THSD7B: variants seen among roughly 807,000 people sequenced by gnomAD.
THSD7B encodes thrombospondin type 1 domain containing 7B.
A neutral mutation model predicts 213.6 loss-of-function variants in THSD7B; 138 were observed. That is an observed-to-expected ratio of 0.65 (90% CI 0.56 to 0.74). THSD7B has a LOEUF of 0.74. Ranked by LOEUF, THSD7B falls within the 30% of genes least tolerant of loss-of-function variation. The pLI is 0.00. For missense variants in THSD7B, 1,931 were observed against 1,991.5 expected (o/e 0.97, Z 0.58); for synonymous variants, 742 against 687.0 (o/e 1.08, Z -1.25).
intron 12 of THSD7B, among the ~76,000 whole-genome samples, chr2:137,374,522 T>C (rs180883734): frequency 9.2e-5 from 14 of 152,350 alleles, no homozygotes; most frequent in Admixed American, 9.2e-4. Flanking sequence ...GTAAGTCCAA[T>C]TAATTTATAT....
intron 7 of THSD7B, 79 bp from the exon 8 acceptor site, chr2:137,230,965 T>C: frequency 7.3e-7 from 1 of 1,378,752 alleles, no homozygotes; most frequent in South Asian, 1.5e-5. Flanking sequence ...GGGGGGGTAC[T>C]TTAAACTGAA....
chr2:137,061,969 G>C (rs182158456), intron 3 of THSD7B, among the ~76,000 whole-genome samples: 81 of 151,776 alleles, frequency 5.3e-4, no homozygotes, highest in African/African-American at 1.7e-3. Context: ...GAACCCTCTG[G>C]ACCTCATGCT....
chr2:137,563,375 T>C (rs1681163307), intron 16 of THSD7B, 21 bp downstream of exon 16: 2 of 1,610,944 alleles, frequency 1.2e-6, no homozygotes, highest in East Asian at 2.2e-5. Context: ...ATGGAGAGAT[T>C]TGGGAAATAG....
At chr2:137,640,976 A>G (rs1682928167) in intron 20 of THSD7B, among the ~76,000 whole-genome samples, 1 of 152,222 alleles carries the variant, frequency 6.6e-6, no homozygotes, top group South Asian at 2.1e-4. Context: ...CTATGATAAT[A>G]TTCTGGTGGA....
At position 137,488,825 on chromosome 2, in the gene THSD7B, T is replaced by A. The variant is rs748103566; in HGVS notation, c.3138+37802T>A. Among the ~76,000 whole-genome samples, 121 of 152,318 alleles carry A rather than the reference T, an allele frequency of 7.9e-4. 1 individual carries two copies. Among genetic ancestry groups the A allele is most frequent in the Non-Finnish European group, 3.7e-4 (25 of 68,040 alleles). On this transcript the variant is annotated intron_variant, in intron 15 of 27. Coordinates refer to ENST00000409968, the MANE Select transcript of THSD7B (RefSeq NM_001316349.2). ...AGAAAGAACTTTGTTCATTGGGTAGTCCTGCCTATCCTGTAGGATGAGCCA... is the reference window on the plus strand; with the variant it reads ...AGAAAGAACTTTGTTCATTGGGTAGACCTGCCTATCCTGTAGGATGAGCCA...
chr2:137,013,987 A>G (rs1573767304), intron 2 of THSD7B, among the ~76,000 whole-genome samples: 1 of 152,324 alleles, frequency 6.6e-6, no homozygotes, highest in East Asian at 1.9e-4. Flanking sequence ...AGCCAGTGGG[A>G]GAACAGTTGC....
chr2:137,654,554 C>T (rs1345293734), intron 21 of THSD7B, among the ~76,000 whole-genome samples: 1 of 152,088 alleles, frequency 6.6e-6, no homozygotes, highest in African/African-American at 2.4e-5. Flanking sequence ...AGCACAGAAA[C>T]CATGAGTAAA....
chr2:137,006,431 CATACATACATACATAT>C (rs970434940), intron 2 of THSD7B, among the ~76,000 whole-genome samples: 3 of 151,816 alleles, frequency 2.0e-5, no homozygotes, highest in Admixed American at 6.6e-5. Flanking sequence ...TACATACATA[CATACATACATACATAT>C]AGGTTGTATA....
intron 12 of THSD7B, among the ~76,000 whole-genome samples, chr2:137,391,921 A>G (rs10198747): frequency 0.23 from 34,499 of 152,034 alleles, 4,063 homozygotes; most frequent in South Asian, 0.27. Flanking sequence ...TGCTGTACCC[A>G]ACAAGTTTTG....
intron 5 of THSD7B, among the ~76,000 whole-genome samples, chr2:137,116,011 GGT>G (rs1252161243): frequency 1.3e-5 from 2 of 152,184 alleles, no homozygotes; most frequent in Non-Finnish European, 2.9e-5. Flanking sequence ...AAGTGGTAAA[GGT>G]GGGAATGTTT....
intron 1 of THSD7B, among the ~76,000 whole-genome samples, chr2:136,792,285 C>T (rs1254064604): frequency 1.3e-5 from 2 of 151,818 alleles, no homozygotes; most frequent in Non-Finnish European, 2.9e-5. Context: ...TGAATGATTC[C>T]AACTATATGA....
intron 9 of THSD7B, 77 bp downstream of exon 9, chr2:137,233,210 C>T (rs1681683136): frequency 1.5e-6 from 2 of 1,341,292 alleles, no homozygotes; most frequent in Non-Finnish European, 2.1e-6. Context: ...ATTTATCAAG[C>T]AATAGATATT....
At chr2:137,629,381 C>CTA (rs1682696976) in intron 20 of THSD7B, among the ~76,000 whole-genome samples, 1 of 152,122 alleles carries the variant, frequency 6.6e-6, no homozygotes, top group Non-Finnish European at 1.5e-5. Flanking sequence ...TCCAACATAC[C>CTA]ACCTTTATGA....
At chr2:137,669,094 T>C (rs1346225099) in intron 27 of THSD7B, among the ~76,000 whole-genome samples, 2 of 152,208 alleles carry the variant, frequency 1.3e-5, no homozygotes. Flanking sequence ...TTAATTTTAA[T>C]GAGATCAAAG....
At chr2:137,321,064 T>A (rs1338414255) in intron 12 of THSD7B, among the ~76,000 whole-genome samples, 1 of 152,190 alleles carries the variant, frequency 6.6e-6, no homozygotes, top group Non-Finnish European at 1.5e-5. Context: ...AAAGTAGCTG[T>A]GAGATAAGTG....
intron 2 of THSD7B, among the ~76,000 whole-genome samples, chr2:136,892,369 G>A (rs1683877158): frequency 1.3e-5 from 2 of 152,172 alleles, no homozygotes; most frequent in Admixed American, 6.5e-5. Context: ...CTAGCCACAA[G>A]GGAAGGTGAG....
chr2:137,131,425 T>A (rs1688729955), intron 5 of THSD7B, among the ~76,000 whole-genome samples: 1 of 152,142 alleles, frequency 6.6e-6, no homozygotes, highest in Non-Finnish European at 1.5e-5. Flanking sequence ...TGCCATTGCT[T>A]TTGGTGTTTT....
At chr2:137,433,927 T>G (rs1485513468) in intron 14 of THSD7B, among the ~76,000 whole-genome samples, 1 of 152,160 alleles carries the variant, frequency 6.6e-6, no homozygotes, top group Non-Finnish European at 1.5e-5. Context: ...TTTACCTGTA[T>G]TCCTTTTTAT....
chr2:137,050,858 C>T (rs752871912), intron 2 of THSD7B, among the ~76,000 whole-genome samples: 3 of 151,888 alleles, frequency 2.0e-5, no homozygotes, highest in Admixed American at 6.6e-5. Flanking sequence ...TTTAAATTCT[C>T]GTATGTTTGT....
Sources: allele counts gnomAD v4.1 joint callset (sites outside exome capture counted in the v4.1 genomes callset), GRCh38; gene constraint gnomAD v4.1.1; transcripts MANE v1.5; gene names NCBI Gene and HGNC (gene_info 2026-07-23, HGNC 2026-07-21).